GTF2A1: variants seen among roughly 807,000 people sequenced by gnomAD.
GTF2A1 encodes the protein transcription initiation factor IIA subunit 1.
A neutral mutation model predicts 54.1 loss-of-function variants in GTF2A1; 12 were observed. The ratio of observed to expected loss-of-function variants is 0.22; its 90% CI spans 0.14 to 0.36. GTF2A1 has a LOEUF of 0.36. GTF2A1 is among the 10% of genes least tolerant of loss of function. The probability of loss-of-function intolerance (pLI) is 1.00; values close to 1 mark genes in which losing one functional copy is unlikely to be tolerated. For synonymous variants in GTF2A1, 145 were observed against 152.0 expected, an observed-to-expected ratio of 0.95 and a Z score of 0.34; for missense variants, 335 against 442.2, an observed-to-expected ratio of 0.76 and a Z score of 2.17.
intron 2 of GTF2A1, among the ~76,000 whole-genome samples, chr14:81,213,658 G>C (rs1009120982): frequency 2.0e-5 from 3 of 152,026 alleles, no homozygotes; most frequent in African/African-American, 4.8e-5. Context: ...CATGCTACTT[G>C]AACAATTTAT....
intron 2 of GTF2A1, among the ~76,000 whole-genome samples, chr14:81,207,639 G>A (rs1291834441): frequency 6.6e-6 from 1 of 152,224 alleles, no homozygotes; most frequent in Non-Finnish European, 1.5e-5. Context: ...AAGAAAACAG[G>A]AAAATGTGGG....
rs1566864069 is a variant in GTF2A1, at chr14:81,220,595, T to TG, written c.-78_-77insC. The TG allele has an allele frequency of 1.0e-6, 1 of 972,272 alleles. No homozygotes were observed. The highest frequency in any genetic ancestry group is 1.4e-6 in the Non-Finnish European group (1 of 712,170). 60.2% of individuals were successfully genotyped at this position (972,272 alleles called of 1,614,324 possible). On this transcript the variant is annotated 5_prime_UTR_variant, in exon 1 of 9. Coordinates refer to ENST00000553612, the MANE Select transcript of GTF2A1 (RefSeq NM_015859.4). The stretch of plus-strand genomic sequence containing the variant: ...AACAAAACCAAAAAAAAAAAAACTA[T>TG]AACACCCGGAGGGTGACCCAAATCA...
At chr14:81,190,352 A>T (rs772854917) in intron 7 of GTF2A1, among the ~76,000 whole-genome samples, 8 of 152,134 alleles carry the variant, frequency 5.3e-5, no homozygotes, top group Non-Finnish European at 1.2e-4. Context: ...CCTTGTAAGA[A>T]GAGTATGAGA....
chr14:81,220,770 G>A lies in GTF2A1; in HGVS notation c.-252C>T, dbSNP rs1195366293. The A allele has an allele frequency of 2.7e-6, 1 of 374,300 alleles. No individual in the cohort carries two copies. The highest frequency in any genetic ancestry group is 4.8e-6 in the Non-Finnish European group (1 of 209,416). 23.2% of individuals were successfully genotyped at this position (374,300 alleles called of 1,614,324 possible). A position where few individuals can be genotyped will look rare whatever the true frequency, so the allele number is the denominator to read the frequency against. ...AAAAAAAAGCCACGACCCTTCAGGGGTCCGGGGGGCGTTGCCCGCTCCCCA... is the reference window on the plus strand; with the variant it reads ...AAAAAAAAGCCACGACCCTTCAGGGATCCGGGGGGCGTTGCCCGCTCCCCA... On this transcript the variant is annotated 5_prime_UTR_variant, in exon 1 of 9. Coordinates refer to ENST00000553612, the MANE Select transcript of GTF2A1 (RefSeq NM_015859.4).
chr14:81,191,204 G>C (rs528437196), intron 7 of GTF2A1, among the ~76,000 whole-genome samples: 1 of 152,200 alleles, frequency 6.6e-6, no homozygotes, highest in Non-Finnish European at 1.5e-5. Context: ...ATCAGGTATT[G>C]ATAAGGGGGT....
intron 4 of GTF2A1, among the ~76,000 whole-genome samples, chr14:81,199,744 A>G (rs922031689): frequency 6.6e-6 from 1 of 151,860 alleles, no homozygotes; most frequent in Non-Finnish European, 1.5e-5. Context: ...AAGGAGACTT[A>G]ACCAGTAAGT....
At position 81,186,710 on chromosome 14, in the gene GTF2A1, T is replaced by A. The variant is rs554791901; in HGVS notation, c.934-1090A>T. ...TGCCTGTTAATTCTAGCACTTTGGG[T>A]GGCCTAGGCGGGACAATCACTTCAG... On this transcript the variant is annotated intron_variant, in intron 7 of 8. Coordinates refer to ENST00000553612, the MANE Select transcript of GTF2A1 (RefSeq NM_015859.4). Among the ~76,000 whole-genome samples the A allele has an allele frequency of 3.5e-4, 54 of 152,156 alleles. 1 individual carries two copies. The South Asian group carries it at 0.011, about 32-fold the overall frequency.
intron 4 of GTF2A1, among the ~76,000 whole-genome samples, chr14:81,199,397 T>TA (rs1394670305): frequency 6.6e-6 from 1 of 152,190 alleles, no homozygotes; most frequent in Non-Finnish European, 1.5e-5. Flanking sequence ...AATCATTTCA[T>TA]AAAAAAGAAC....
intron 2 of GTF2A1, among the ~76,000 whole-genome samples, chr14:81,212,100 C>T (rs1289950429): frequency 6.6e-6 from 1 of 151,618 alleles, no homozygotes; most frequent in Non-Finnish European, 1.5e-5. Context: ...TTAACCAGTG[C>T]AAAATGTCAA....
intron 7 of GTF2A1, among the ~76,000 whole-genome samples, chr14:81,188,194 G>GT (rs1389038000): frequency 6.6e-6 from 1 of 152,166 alleles, no homozygotes; most frequent in Non-Finnish European, 1.5e-5. Flanking sequence ...TTGTTACGCT[G>GT]TTTAAGAGTT....
intron 7 of GTF2A1, among the ~76,000 whole-genome samples, chr14:81,187,024 C>T (rs1194072434): frequency 6.6e-6 from 1 of 151,856 alleles, no homozygotes; most frequent in Non-Finnish European, 1.5e-5. Flanking sequence ...TATAGATATT[C>T]TTTAATTTAA....
intron 2 of GTF2A1, among the ~76,000 whole-genome samples, chr14:81,215,343 G>A (rs1399612199): frequency 6.6e-6 from 1 of 152,166 alleles, no homozygotes; most frequent in Non-Finnish European, 1.5e-5. Context: ...TTTTCTCACA[G>A]AATACAACTT....
chr14:81,184,365 C>T (rs1355399937), intron 8 of GTF2A1, among the ~76,000 whole-genome samples: 1 of 152,126 alleles, frequency 6.6e-6, no homozygotes, highest in Admixed American at 6.5e-5. Context: ...ACCTCATAGT[C>T]TTGCTCTATG....
chr14:81,199,236 A>G (rs769469566), intron 4 of GTF2A1, among the ~76,000 whole-genome samples: 29 of 152,202 alleles, frequency 1.9e-4, no homozygotes, highest in Non-Finnish European at 3.4e-4. Context: ...ACACGACCCA[A>G]TAACTACCTG....
intron 4 of GTF2A1, among the ~76,000 whole-genome samples, chr14:81,199,880 A>C (rs1417526136): frequency 6.6e-6 from 1 of 152,146 alleles, no homozygotes; most frequent in Non-Finnish European, 1.5e-5. Context: ...TTTTAAAATA[A>C]TGTGAGTTAT....
chr14:81,206,705 C>A (rs370855113), intron 2 of GTF2A1, among the ~76,000 whole-genome samples: 7 of 152,278 alleles, frequency 4.6e-5, no homozygotes, highest in African/African-American at 1.7e-4. Context: ...GTTTTTCAAA[C>A]TGAGGACTGC....
rs758450434 is a variant in GTF2A1 at position 81,219,978 on chromosome 14, G to A, written c.30+511C>T. On this transcript the variant is annotated intron_variant, in intron 1 of 8. Transcript: ENST00000553612. ...CAGAGAAGGTTCCCAAAGCACAGCC[G>A]CCAAAAACAACCTAAGAAACCCCCA... 1.1e-4 allele frequency among the ~76,000 whole-genome samples: 16 copies of A among 151,576 alleles called. No homozygotes were observed. In the East Asian group the frequency reaches 3.1e-3, roughly 30 times the overall value.
In GTF2A1 at chr14:81,187,136, C is replaced by T. The variant is rs1024245929; in HGVS notation, c.934-1516G>A. ...TTGGGAGGCTGAGGCAGGCAGATCA[C>T]GAGGTCAGGAGATCGAGACCATCCT... On this transcript the variant is annotated intron_variant, in intron 7 of 8. Transcript: ENST00000553612. Among the ~76,000 whole-genome samples, 5 of 151,968 alleles carry T rather than the reference C, an allele frequency of 3.3e-5. No individual in the cohort carries two copies. The South Asian group carries it at 8.3e-4, about 25-fold the overall frequency.
intron 4 of GTF2A1, among the ~76,000 whole-genome samples, chr14:81,199,345 G>C (rs1399374350): frequency 3.3e-5 from 5 of 152,016 alleles, no homozygotes; most frequent in African/African-American, 1.2e-4. Context: ...ATTTCTTCTT[G>C]TATTCCACAA....
Sources: gnomAD v4.1 joint callset for allele counts (sites outside exome capture counted in the v4.1 genomes callset) on GRCh38, gnomAD v4.1.1 for gene constraint, MANE v1.5 for transcripts, NCBI Gene and HGNC (gene_info 2026-07-23, HGNC 2026-07-21) for gene names.